The following FRMPD3 variants were observed in gnomAD, a reference collection of about 807,000 sequenced individuals.
FRMPD3 encodes FERM and PDZ domain-containing protein 3.
FRMPD3 carries 42 observed loss-of-function variants against 97.9 expected under a neutral mutation model. The ratio of observed to expected loss-of-function variants is 0.43; its 90% CI spans 0.34 to 0.55. The LOEUF (loss-of-function observed/expected upper bound fraction) is 0.55. Among genes scored for constraint, FRMPD3 ranks in the 20% least tolerant of loss-of-function variants. The pLI is 0.03. For synonymous variants in FRMPD3, 577 were observed against 581.1 expected, an observed-to-expected ratio of 0.99 and a Z score of 0.10; for missense variants, 1,303 against 1,457.7, an observed-to-expected ratio of 0.89 and a Z score of 1.73.
At chrX:107,564,700 C>A (rs967329458) in intron 11 of FRMPD3, among the ~76,000 whole-genome samples, 187 bp from the exon 12 acceptor site, 1 of 112,214 alleles carries the variant, frequency 8.9e-6, no homozygotes. Context: ...GGGCTCTATC[C>A]CAGGAACCAT....
At chrX:107,516,535 C>T (rs1222490158) in intron 1 of FRMPD3, among the ~76,000 whole-genome samples, 2 of 111,358 alleles carry the variant, frequency 1.8e-5, no homozygotes, top group African/African-American at 6.6e-5. Flanking sequence ...CCTCCAGCAC[C>T]TGTTGTTTCC....
chrX:107,563,021 C>A, intron 10 of FRMPD3, 90 bp from the exon 11 acceptor site: 1 of 664,297 alleles, frequency 1.5e-6, no homozygotes, highest in Non-Finnish European at 2.4e-6. Context: ...GGTGCCTGTC[C>A]TAGGATGTTG....
chrX:107,524,783 G>A (rs903366712), intron 1 of FRMPD3, among the ~76,000 whole-genome samples: 5 of 109,967 alleles, frequency 4.5e-5, no homozygotes, highest in African/African-American at 1.3e-4. Flanking sequence ...GCCTGAGGTC[G>A]GGAGTTCAAG....
chrX:107,533,435 G>A, intron 3 of FRMPD3, 70 bp from the exon 4 acceptor site: 5 of 959,446 alleles, frequency 5.2e-6, no homozygotes, highest in South Asian at 4.3e-5. Context: ...AGATTCTGGT[G>A]TTGCTTCTTG....
chrX:107,465,936 C>CCT (rs1301589276), intron 1 of FRMPD3, among the ~76,000 whole-genome samples: 3 of 111,712 alleles, frequency 2.7e-5, no homozygotes, highest in Non-Finnish European at 3.8e-5. Flanking sequence ...TGTATACCTA[C>CCT]CTCTCTTAGA....
At chrX:107,476,335 A>C (rs1921200399) in intron 1 of FRMPD3, among the ~76,000 whole-genome samples, 1 of 112,756 alleles carries the variant, frequency 8.9e-6, no homozygotes, top group South Asian at 3.7e-4. Context: ...AGCTGAGTGA[A>C]GGAAAAAAGG....
Position 107,592,152 on chromosome X carries a change from G to C in FRMPD3, c.1442-5169G>C, listed in dbSNP as rs944276244. Among the ~76,000 whole-genome samples the C allele has an allele frequency of 3.3e-4, 36 of 109,968 alleles. 2 individuals are homozygous for C. Among genetic ancestry groups the C allele is most frequent in the Non-Finnish European group, 5.7e-5 (3 of 52,898 alleles). On this transcript the variant is annotated intron_variant, in intron 13 of 14. Coordinates refer to ENST00000683843, the MANE Select transcript of FRMPD3 (RefSeq NM_001388459.1). ...ATTTTTATGCCTTTGCATCCTCATA[G>C]CTTAGCTCCCACTTGTAAGTGAGAA...
At chrX:107,543,151 C>CTACA (rs200331471) in intron 4 of FRMPD3, among the ~76,000 whole-genome samples, 3,129 of 111,719 alleles carry the variant, frequency 0.028, 92 homozygotes, top group African/African-American at 0.096. Flanking sequence ...CATTGCCCTT[C>CTACA]TACACTCTGT....
At chrX:107,580,803 C>T (rs1184977023) in intron 13 of FRMPD3, among the ~76,000 whole-genome samples, 1 of 111,075 alleles carries the variant, frequency 9.0e-6, no homozygotes, top group East Asian at 2.8e-4. Context: ...CCCAGAGTTC[C>T]CTAGATACAG....
intron 13 of FRMPD3, among the ~76,000 whole-genome samples, chrX:107,578,729 T>G (rs901640071): frequency 2.7e-5 from 3 of 111,670 alleles, no homozygotes; most frequent in Non-Finnish European, 3.8e-5. Context: ...GAACTTGAAC[T>G]AGGCATCATC....
intron 2 of FRMPD3, among the ~76,000 whole-genome samples, 189 bp from the exon 3 acceptor site, chrX:107,530,220 A>AGGCAGCAGCAGC (rs1469557620): frequency 8.9e-6 from 1 of 112,172 alleles, no homozygotes; most frequent in Non-Finnish European, 1.9e-5. Flanking sequence ...ATCTGCTTAT[A>AGGCAGCAGCAGC]GGCAGCAGCA....
chrX:107,595,947 A>T (rs1437871249), intron 13 of FRMPD3, among the ~76,000 whole-genome samples: 3 of 110,591 alleles, frequency 2.7e-5, no homozygotes, highest in Non-Finnish European at 5.7e-5. Flanking sequence ...CAAAAAAAAA[A>T]AAAAAGAAAA....
chrX:107,578,014 ATACTAGCAAACC>A (rs1466804913), intron 13 of FRMPD3, among the ~76,000 whole-genome samples: 2 of 111,964 alleles, frequency 1.8e-5, no homozygotes, highest in Non-Finnish European at 3.8e-5. Flanking sequence ...AGGGGCGGCC[ATACTAGCAAACC>A]TACAGATGGC....
At chrX:107,598,866 A>G (rs1345367505) in intron 14 of FRMPD3, among the ~76,000 whole-genome samples, 2 of 112,465 alleles carry the variant, frequency 1.8e-5, no homozygotes, top group African/African-American at 6.5e-5. Flanking sequence ...AAACCGTACA[A>G]CATGCATGCT....
chrX:107,564,012 G>A (rs144788435), intron 11 of FRMPD3, among the ~76,000 whole-genome samples: 1,144 of 112,063 alleles, frequency 0.01, 16 homozygotes, highest in African/African-American at 0.035. Flanking sequence ...CAGCTAGTGC[G>A]GCACATCGGT....
chrX:107,546,486 C>G (rs937489517), intron 5 of FRMPD3, among the ~76,000 whole-genome samples: 10 of 112,179 alleles, frequency 8.9e-5, no homozygotes, highest in East Asian at 2.8e-4. Flanking sequence ...TTTCGAAAGA[C>G]AGGTAATATT....
At chrX:107,469,465 G>A (rs772324446) in intron 1 of FRMPD3, among the ~76,000 whole-genome samples, 6 of 112,288 alleles carry the variant, frequency 5.3e-5, no homozygotes, top group African/African-American at 1.6e-4. Context: ...ACAACATGTG[G>A]GAATTATGGG....
At chrX:107,473,072 C>T (rs1358099023) in intron 1 of FRMPD3, among the ~76,000 whole-genome samples, 1 of 112,215 alleles carries the variant, frequency 8.9e-6, no homozygotes, top group Non-Finnish European at 1.9e-5. Flanking sequence ...GCTTCTTTTG[C>T]GGAGAACTTT....
At chrX:107,594,419 C>T (rs1434204628) in intron 13 of FRMPD3, among the ~76,000 whole-genome samples, 7 of 112,084 alleles carry the variant, frequency 6.2e-5, no homozygotes, top group African/African-American at 9.7e-5. Context: ...TTATTATTGA[C>T]GGTAGTCACC....
Sources: gnomAD v4.1 joint callset for allele counts (sites outside exome capture counted in the v4.1 genomes callset) on GRCh38, gnomAD v4.1.1 for gene constraint, MANE v1.5 for transcripts, NCBI Gene and HGNC (gene_info 2026-07-23, HGNC 2026-07-21) for gene names.